SYT9: variants seen among roughly 807,000 people sequenced by gnomAD.
SYT9 encodes synaptotagmin-9.
In SYT9, 22 loss-of-function variants were observed where a neutral mutation model predicts 48.4. That is an observed-to-expected ratio of 0.45 (90% confidence interval 0.32 to 0.65). The LOEUF is 0.65. Among genes scored for constraint, SYT9 ranks in the 30% least tolerant of loss-of-function variants. The pLI, the probability that SYT9 is intolerant of heterozygous loss-of-function variation, is 0.03. For missense variants in SYT9, 577 were observed against 622.0 expected (o/e 0.93, Z 0.77); for synonymous variants, 265 against 245.0 (o/e 1.08, Z -0.76).
At chr11:7,446,999 C>G (rs1847945773) in intron 6 of SYT9, among the ~76,000 whole-genome samples, 1 of 152,190 alleles carries the variant, frequency 6.6e-6, no homozygotes, top group African/African-American at 2.4e-5. Context: ...TCCTGGTGCC[C>G]TTTTGCTTCA....
chr11:7,274,440 C>T (rs572104708), intron 1 of SYT9, among the ~76,000 whole-genome samples: 1 of 151,996 alleles, frequency 6.6e-6, no homozygotes, highest in South Asian at 2.1e-4. Context: ...CCTCAGCCTC[C>T]CGAGTAGCTG....
chr11:7,278,290 A>G (rs889744863), intron 1 of SYT9, among the ~76,000 whole-genome samples: 6 of 152,182 alleles, frequency 3.9e-5, no homozygotes, highest in Non-Finnish European at 8.8e-5. Context: ...AAATTCATTC[A>G]TGAAGACAGA....
chr11:7,420,528 G>A lies in SYT9; in HGVS notation c.1360G>A (p.Gly454Ser), dbSNP rs1321732086. 5.6e-6 allele frequency: 9 copies of A among 1,613,758 alleles called. No individual in the cohort carries two copies. The highest frequency in any genetic ancestry group is 1.7e-5 in the Admixed American group (1 of 59,982). ...CAGTGTAGGTCACAATGAGATCATC[G>A]GCGTGTGTCAAGTAGGCAACGAGGC... ...YDRVGHNEII[G>S]VCQVGNEAER... Residue 454 changes from glycine (G) to serine (S), a missense_variant, in exon 6 of 7, where the codon GGC becomes AGC. By Grantham distance (56) the Gly-to-Ser change is moderately conservative. Transcript: ENST00000318881.
At chr11:7,286,466 G>A (rs1218667817) in intron 1 of SYT9, among the ~76,000 whole-genome samples, 2 of 152,208 alleles carry the variant, frequency 1.3e-5, no homozygotes, top group Non-Finnish European at 2.9e-5. Flanking sequence ...GGCCTGTGAT[G>A]GAAGGGACTG....
chr11:7,463,053 C>A (rs147290478), intron 6 of SYT9, among the ~76,000 whole-genome samples: 167 of 152,314 alleles, frequency 1.1e-3, no homozygotes, highest in African/African-American at 3.7e-3. Flanking sequence ...CACTTACAAT[C>A]TTCTCTGTTC....
intron 3 of SYT9, among the ~76,000 whole-genome samples, chr11:7,349,235 T>C (rs1047716563): frequency 6.6e-6 from 1 of 152,008 alleles, no homozygotes; most frequent in Non-Finnish European, 1.5e-5. Flanking sequence ...GAGTGTCTAG[T>C]TGGGGTGATG....
At chr11:7,290,667 T>C (rs10839761) in intron 1 of SYT9, among the ~76,000 whole-genome samples, 38,974 of 152,182 alleles carry the variant, frequency 0.26, 5,978 homozygotes, top group South Asian at 0.39. Flanking sequence ...CTTAGAATTT[T>C]GTAACTCATT....
At chr11:7,302,453 C>T (rs940677148) in intron 1 of SYT9, among the ~76,000 whole-genome samples, 11 of 152,166 alleles carry the variant, frequency 7.2e-5, no homozygotes, top group African/African-American at 9.7e-5. Context: ...ATCCTGCGTC[C>T]TGAGGACTTA....
intron 6 of SYT9, among the ~76,000 whole-genome samples, chr11:7,465,570 A>G (rs1848315571): frequency 6.6e-6 from 1 of 152,192 alleles, no homozygotes; most frequent in African/African-American, 2.4e-5. Flanking sequence ...GAAACACAAG[A>G]GATACTGCTA....
chr11:7,253,710 G>A, intron 1 of SYT9, among the ~76,000 whole-genome samples: 1 of 152,170 alleles, frequency 6.6e-6, no homozygotes, highest in East Asian at 1.9e-4. Context: ...TGATCCCAGT[G>A]GTTTCCAGGG....
At chr11:7,273,224 A>G (rs1469996354) in intron 1 of SYT9, among the ~76,000 whole-genome samples, 3 of 152,182 alleles carry the variant, frequency 2.0e-5, no homozygotes, top group Non-Finnish European at 4.4e-5. Context: ...TAAGGTATGT[A>G]GTACCTGTAG....
chr11:7,263,294 A>G (rs1397201786), intron 1 of SYT9, among the ~76,000 whole-genome samples: 1 of 152,138 alleles, frequency 6.6e-6, no homozygotes, highest in African/African-American at 2.4e-5. Context: ...TGTTCCTCAT[A>G]GACAGCACCT....
intron 1 of SYT9, among the ~76,000 whole-genome samples, chr11:7,285,733 A>T (rs180735476): frequency 6.6e-6 from 1 of 152,344 alleles, no homozygotes; most frequent in Non-Finnish European, 1.5e-5. Context: ...GACTTGCTAG[A>T]TACAATGGGG....
chr11:7,369,880 CT>C (rs1458728712), intron 3 of SYT9, among the ~76,000 whole-genome samples: 1 of 149,804 alleles, frequency 6.7e-6, no homozygotes. Flanking sequence ...CTTTTTTTCT[CT>C]TTTTATTCTC....
At chr11:7,433,462 G>A (rs944126058) in intron 6 of SYT9, among the ~76,000 whole-genome samples, 3 of 152,134 alleles carry the variant, frequency 2.0e-5, no homozygotes, top group South Asian at 2.1e-4. Flanking sequence ...AAATGGGAAC[G>A]GAGAAGTGGA....
rs994259923 is a variant in SYT9 at position 7,468,922 on chromosome 11, G to A, written c.*2122G>A. On this transcript the variant is annotated 3_prime_UTR_variant, in exon 7 of 7. Coordinates refer to ENST00000318881, the MANE Select transcript of SYT9 (RefSeq NM_175733.4). ...TGGAAAGCTTTGCCTAGCCAGTACA[G>A]CTGTGAGCAGAGGCTGGTTATAAAT... The A allele has an allele frequency of 2.0e-5, 3 of 152,234 alleles. No homozygotes were observed. The allele number at this position is 152,234 out of a possible 1,614,324, so 9.4% of individuals were successfully genotyped here.
At chr11:7,363,157 A>AT (rs1234904667) in intron 3 of SYT9, among the ~76,000 whole-genome samples, 6 of 150,088 alleles carry the variant, frequency 4.0e-5, no homozygotes, top group African/African-American at 1.2e-4. Flanking sequence ...TTCTCTGCTA[A>AT]TTTTTTTTTC....
rs78477754 is a variant in SYT9 at position 7,303,353 on chromosome 11, G to A, written c.460G>A (p.Val154Met). The change falls in exon 2 of 7, where the codon GTG becomes ATG. Residue 154 changes from valine to methionine, a missense_variant. Coordinates refer to ENST00000318881, the MANE Select transcript of SYT9 (RefSeq NM_175733.4). ...IQENCAHGVR[V>M]QRQVTEPTSS... ...GGAGAACTGTGCCCATGGCGTCCGC[G>A]TGCAGCGCCAAGTCACAGAGCCAAC... 0.029 allele frequency: 46,222 copies of A among 1,612,216 alleles called. 805 individuals carry two copies. Among genetic ancestry groups the A allele is most frequent in the Non-Finnish European group, 0.034 (39,879 of 1,179,774 alleles).
chr11:7,465,044 C>T (rs1181231335), intron 6 of SYT9, among the ~76,000 whole-genome samples: 9 of 151,948 alleles, frequency 5.9e-5, no homozygotes, highest in South Asian at 2.1e-4. Flanking sequence ...GTCGAGATTG[C>T]GCCACTGCAC....
Sources: allele counts gnomAD v4.1 joint callset (sites outside exome capture counted in the v4.1 genomes callset), GRCh38; gene constraint gnomAD v4.1.1; transcripts MANE v1.5; gene names NCBI Gene and HGNC (gene_info 2026-07-23, HGNC 2026-07-21).